The following KCNIP2 variants were observed in gnomAD, a reference collection of about 807,000 sequenced individuals.
KCNIP2 encodes the protein A-type potassium channel modulatory protein KCNIP2.
In KCNIP2, 19 loss-of-function variants were observed where a neutral mutation model predicts 39.0. The ratio of observed to expected loss-of-function variants is 0.49; its 90% confidence interval spans 0.34 to 0.71. KCNIP2 has a LOEUF of 0.71. Among genes scored for constraint, KCNIP2 ranks in the 30% least tolerant of loss-of-function variants. The pLI, the probability that KCNIP2 is intolerant of heterozygous loss-of-function variation, is 0.01. For missense variants in KCNIP2, 261 were observed against 346.0 expected, an observed-to-expected ratio of 0.75 and a Z score of 1.95; for synonymous variants, 111 against 131.2, an observed-to-expected ratio of 0.85 and a Z score of 1.05.
chr10:101,829,235 C>T, intron 3 of KCNIP2, 36 bp from the exon 4 acceptor site: 1 of 1,584,780 alleles, frequency 6.3e-7, no homozygotes, highest in Non-Finnish European at 8.6e-7. Context: ...GCCTCAGGCC[C>T]AGCCTCCGCG....
rs1046750310 is a variant in KCNIP2 at position 101,828,576 on chromosome 10, C to G, written c.418+51G>C. 5 of 1,604,346 alleles carry G rather than the reference C, an allele frequency of 3.1e-6. No individual in the cohort carries two copies. Among genetic ancestry groups the G allele is most frequent in the Non-Finnish European group, 4.3e-6 (5 of 1,171,710 alleles). On this transcript the variant is annotated intron_variant, in intron 5 of 9. Transcript: ENST00000356640. The surrounding 1 kb of genome is among the most constrained non-coding windows in gnomAD (Gnocchi z 6.6). Reference sequence around the variant, plus strand: ...CCCAGCTCCTCCAGAATCCCTCCCTCCCTCAGCCTAGAGAAGGACAACTGC... The same window carrying G: ...CCCAGCTCCTCCAGAATCCCTCCCTGCCTCAGCCTAGAGAAGGACAACTGC...
Position 101,829,867 on chromosome 10 carries a change from T to C in KCNIP2, c.200A>G (p.His67Arg), listed in dbSNP as rs1184563346. The change falls in exon 3 of 10, where the codon CAC (histidine) becomes CGC (arginine). Residue 67 changes from histidine to arginine, a missense_variant. Transcript: ENST00000356640. ...ACCTGGGTCCAGCAGGCGGGGTCTGTGGGGGCGGAGGGAGGCTGGGGCGGC... is the reference window on the plus strand; with the variant it reads ...ACCTGGGTCCAGCAGGCGGGGTCTGCGGGGGCGGAGGGAGGCTGGGGCGGC... ...TLAAPASLRP[H>R]RPRLLDPDSV... 2 of 1,488,112 alleles carry C rather than the reference T, an allele frequency of 1.3e-6. No individual in the cohort carries two copies. Among genetic ancestry groups the C allele is most frequent in the African/African-American group, 3.0e-5 (2 of 67,186 alleles). 92.2% of individuals were successfully genotyped at this position (1,488,112 alleles called of 1,614,324 possible). A position where few individuals can be genotyped will look rare whatever the true frequency, so the allele number is the denominator to read the frequency against.
intron 1 of KCNIP2, among the ~76,000 whole-genome samples, chr10:101,837,004 C>G (rs533965759): frequency 6.6e-6 from 1 of 152,190 alleles, no homozygotes; most frequent in South Asian, 2.1e-4. Flanking sequence ...TGGCACACAC[C>G]TATAGTCCCA....
chr10:101,829,132 C>T lies in KCNIP2; in HGVS notation c.291G>A (p.Gln97=). The T allele has an allele frequency of 6.2e-7, 1 of 1,614,230 alleles. No individual in the cohort carries two copies. The highest frequency in any genetic ancestry group is 8.5e-7 in the Non-Finnish European group (1 of 1,180,032). ...CHRPEGLEQL[Q]EQTKFTRKEL... is the part of the protein sequence containing the mutation. ...CCTTGCGCGTGAATTTGGTTTGCTC[C>T]TGCAGCTGCTCCAGACCCTCAGGCC... Residue 97 remains glutamine (Q), a synonymous_variant, in exon 4 of 10, where the codon CAG becomes CAA. Transcript: ENST00000356640.
Position 101,834,419 on chromosome 10 carries a change from T to C in KCNIP2, c.74-3252A>G, listed in dbSNP as rs372479739. 316 of 398,972 alleles carry C rather than the reference T, an allele frequency of 7.9e-4. 8 individuals are homozygous for C. In the South Asian group the frequency reaches 0.034, roughly 42 times the overall value. 24.7% of individuals were successfully genotyped at this position (398,972 alleles called of 1,614,324 possible). ...CAGGGCCCAGGTTCAGATACGCCGG[T>C]TCACCGCCTCACACCACCTCCCCCT... is the stretch of plus-strand genomic sequence containing the variant. On this transcript the variant is annotated intron_variant, in intron 1 of 9. Transcript: ENST00000356640.
At chr10:101,829,313 C>A in intron 3 of KCNIP2, 114 bp from the exon 4 acceptor site, 2 of 1,346,190 alleles carry the variant, frequency 1.5e-6, no homozygotes, top group Non-Finnish European at 2.0e-6. Flanking sequence ...TGCCGGAGAC[C>A]AGGCTGCCAG....
At chr10:101,830,438 T>C (rs777225341) in intron 2 of KCNIP2, 1 of 1,292,564 alleles carries the variant, frequency 7.7e-7, no homozygotes, top group South Asian at 1.3e-5. Flanking sequence ...CTAAGCCACA[T>C]ACAGACCCTC....
At chr10:101,834,805 A>G (rs1195759631) in intron 1 of KCNIP2, among the ~76,000 whole-genome samples, 4 of 152,242 alleles carry the variant, frequency 2.6e-5, no homozygotes, top group Admixed American at 1.3e-4. Context: ...CTGCACATGT[A>G]TAAGTAATCA....
chr10:101,839,713 T>A, intron 1 of KCNIP2: 1 of 1,595,904 alleles, frequency 6.3e-7, no homozygotes, highest in Non-Finnish European at 8.6e-7. Flanking sequence ...TCGCTCACTT[T>A]TTGAAGGATC....
chr10:101,834,953 G>A (rs1564669418), intron 1 of KCNIP2, among the ~76,000 whole-genome samples: 1 of 152,222 alleles, frequency 6.6e-6, no homozygotes, highest in Non-Finnish European at 1.5e-5. Flanking sequence ...ACCTGTCACA[G>A]AGGTGTGTGT....
chr10:101,839,908 ACCCGGGTAGGCCCGCGTGGGCGG>A (rs2066274463), intron 1 of KCNIP2: 1 of 1,474,202 alleles, frequency 6.8e-7, no homozygotes, highest in Non-Finnish European at 9.0e-7. Flanking sequence ...CTCCGCCCTC[ACCCGGGTAGGCCCGCGTGGGCGG>A]CGCGGGAGGG....
Position 101,843,562 on chromosome 10 carries a change from C to G in KCNIP2, c.7G>C (p.Gly3Arg), listed in dbSNP as rs763751174. 6.5e-7 allele frequency: 1 copy of G among 1,535,128 alleles called. No homozygotes were observed. The highest frequency in any genetic ancestry group is 1.2e-5 in the South Asian group (1 of 81,616). Reference sequence around the variant, plus strand: ...GACAAACTCTCCTTGCGGCCCTGGCCCCGCATGGCCCCCGGCGCCCCGCTC... The same window carrying G: ...GACAAACTCTCCTTGCGGCCCTGGCGCCGCATGGCCCCCGGCGCCCCGCTC... MR[G>R]QGRKESLSDS... The change falls in exon 1 of 10, where the codon GGC becomes CGC. Residue 3 changes from glycine (G) to arginine (R), a missense_variant. Transcript: ENST00000356640. This position sits in a 1 kb window ranked among gnomAD's most constrained non-coding sequence, Gnocchi z 6.7.
Position 101,828,363 on chromosome 10 carries a change from T to C in KCNIP2, c.489+26A>G. 1 of 1,613,904 alleles carries C rather than the reference T, an allele frequency of 6.2e-7. No individual in the cohort carries two copies. The highest frequency in any genetic ancestry group is 8.5e-7 in the Non-Finnish European group (1 of 1,179,876). On this transcript the variant is annotated intron_variant, in intron 6 of 9. Transcript: ENST00000356640. This position sits in a 1 kb window ranked among gnomAD's most constrained non-coding sequence, Gnocchi z 6.6. ...GGCCCTGAACTCCAGGAAACAGGCT[T>C]CCCTGGCCCACCTCGCCCAGCTCAC...
In KCNIP2 at chr10:101,838,639, G is replaced by A. The variant is rs915475816; in HGVS notation, c.73+4857C>T. On this transcript the variant is annotated intron_variant, in intron 1 of 9. Coordinates refer to ENST00000356640, the MANE Select transcript of KCNIP2 (RefSeq NM_173191.3). This position sits in a 1 kb window ranked among gnomAD's most constrained non-coding sequence, Gnocchi z 4.0. ...TGCCTGGCTCCAGCCATCTGTCACT[G>A]GAGACAGGCCCAAGCAGGGGGCTTG... 6.6e-6 allele frequency among the ~76,000 whole-genome samples: 1 copy of A among 152,240 alleles called. No homozygotes were observed. The highest frequency in any genetic ancestry group is 1.5e-5 in the Non-Finnish European group (1 of 68,042).
At chr10:101,832,326 G>C (rs2066022053) in intron 1 of KCNIP2, among the ~76,000 whole-genome samples, 1 of 151,670 alleles carries the variant, frequency 6.6e-6, no homozygotes, top group African/African-American at 2.4e-5. Flanking sequence ...GTGTGTGTGT[G>C]TGTGTGTGTG....
chr10:101,829,005 TG>T (rs1391239846), intron 4 of KCNIP2, 69 bp downstream of exon 4: 2 of 1,578,612 alleles, frequency 1.3e-6, no homozygotes, highest in Non-Finnish European at 1.7e-6. Flanking sequence ...CCATGCTTTC[TG>T]GGAAGCTGTG....
At position 101,836,032 on chromosome 10, in the gene KCNIP2, T is replaced by C. The variant is rs558236776; in HGVS notation, c.74-4865A>G. The stretch of plus-strand genomic sequence containing the variant: ...AGCCAGGAGGCCCAATTTAGGGGGA[T>C]TGGCCCCAGAAGGAGCCCTCCCTCT... On this transcript the variant is annotated intron_variant, in intron 1 of 9. Coordinates refer to ENST00000356640, the MANE Select transcript of KCNIP2 (RefSeq NM_173191.3). 3.3e-5 allele frequency among the ~76,000 whole-genome samples: 5 copies of C among 152,278 alleles called. No individual in the cohort carries two copies. In the South Asian group the frequency reaches 6.2e-4, roughly 19 times the overall value.
chr10:101,833,203 C>T (rs1004998711), intron 1 of KCNIP2, among the ~76,000 whole-genome samples: 2 of 151,584 alleles, frequency 1.3e-5, no homozygotes, highest in Non-Finnish European at 2.9e-5. Flanking sequence ...AGCCATGCTA[C>T]GGAGTTACAC....
At chr10:101,839,858 G>A in intron 1 of KCNIP2, 1 of 1,585,660 alleles carries the variant, frequency 6.3e-7, no homozygotes, top group South Asian at 1.1e-5. Flanking sequence ...CGGCGAGCTC[G>A]GCGTCTAAGC....
Sources: allele counts gnomAD v4.1 joint callset (sites outside exome capture counted in the v4.1 genomes callset), GRCh38; gene constraint gnomAD v4.1.1; non-coding constraint Gnocchi (gnomAD v3.1); transcripts MANE v1.5; gene names NCBI Gene and HGNC (gene_info 2026-07-23, HGNC 2026-07-21).